Variants in RBFOX3 observed in about 807,000 individuals in gnomAD.
RBFOX3 encodes RNA binding protein fox-1 homolog 3.
RBFOX3 carries 17 observed loss-of-function variants against 48.7 expected under a neutral mutation model. The observed-to-expected ratio is 0.35, with a 90% CI of 0.24 to 0.52. RBFOX3 has a LOEUF of 0.52. RBFOX3 is among the 20% of genes least tolerant of loss of function. RBFOX3 has a pLI of 0.94. For synonymous variants in RBFOX3, 212 were observed against 209.5 expected, an observed-to-expected ratio of 1.01 and a Z score of -0.10; for missense variants, 382 against 497.5, an observed-to-expected ratio of 0.77 and a Z score of 2.21.
At chr17:79,168,470 C>G (rs983803679) in intron 4 of RBFOX3, among the ~76,000 whole-genome samples, 1 of 152,238 alleles carries the variant, frequency 6.6e-6, no homozygotes, top group Non-Finnish European at 1.5e-5. Flanking sequence ...CCTAAGAGAA[C>G]AGAAGAGGCC....
intron 2 of RBFOX3, among the ~76,000 whole-genome samples, chr17:79,449,622 A>AACACACACACAC (rs57480439): frequency 0.039 from 5,704 of 144,544 alleles, 161 homozygotes; most frequent in Middle Eastern, 0.11. Context: ...TGCACACATA[A>AACACACACACAC]ACACACACAC....
the RBFOX3 span, among the ~76,000 whole-genome samples, chr17:79,657,790 T>C: frequency 6.6e-6 from 1 of 152,220 alleles, no homozygotes; most frequent in South Asian, 2.1e-4. Context: ...ATGCAGAGGT[T>C]ACAATGCAGG....
chr17:79,580,635 G>A (rs2093028228), intron 1 of RBFOX3, among the ~76,000 whole-genome samples: 1 of 152,162 alleles, frequency 6.6e-6, no homozygotes, highest in African/African-American at 2.4e-5. Context: ...ACACTCTTTA[G>A]AGCAAAGTTT....
rs974215135 is a variant in RBFOX3, at chr17:79,209,953, C to T, written c.-34+25813G>A. Among the ~76,000 whole-genome samples the T allele has an allele frequency of 2.0e-5, 3 of 149,158 alleles. No homozygotes were observed. The East Asian group carries it at 5.9e-4, about 30-fold the overall frequency. ...CGGAGCTTGCAGTGAGCCGAGATCACGCCACTGCACTCTAGCCTGGGCGAC... is the reference window on the plus strand; with the variant it reads ...CGGAGCTTGCAGTGAGCCGAGATCATGCCACTGCACTCTAGCCTGGGCGAC... On this transcript the variant is annotated intron_variant, in intron 4 of 14. Transcript: ENST00000693108.
intron 4 of RBFOX3, chr17:79,234,757 G>T (rs2061444171): frequency 9.6e-6 from 1 of 103,796 alleles, no homozygotes; most frequent in South Asian, 3.0e-4. Context: ...TTTTGAGATG[G>T]AGTCTTGCTC....
Position 79,402,940 on chromosome 17 carries a change from C to T in RBFOX3, c.-175+79514G>A, listed in dbSNP as rs75596721. On this transcript the variant is annotated intron_variant, in intron 2 of 14. Transcript: ENST00000693108. ...CTCAGCAGGAGCCTGACCCACAGGA[C>T]GTGCCCGGCAAAGAGAAGGCTCATC... is the stretch of plus-strand genomic sequence containing the variant. Among the ~76,000 whole-genome samples, 52 of 152,268 alleles carry T rather than the reference C, an allele frequency of 3.4e-4. No homozygotes were observed. The East Asian group carries it at 4.1e-3, about 12-fold the overall frequency.
chr17:79,532,844 C>T (rs2088039863), intron 1 of RBFOX3, among the ~76,000 whole-genome samples: 1 of 139,996 alleles, frequency 7.1e-6, no homozygotes, highest in African/African-American at 2.9e-5. Context: ...TGTGTGTGCA[C>T]GCATGCACGC....
At chr17:79,158,300 C>T (rs919865551) in intron 4 of RBFOX3, among the ~76,000 whole-genome samples, 34 of 152,308 alleles carry the variant, frequency 2.2e-4, no homozygotes, top group African/African-American at 7.5e-4. Context: ...CAGACCAATA[C>T]GGCTACTTAC....
chr17:79,447,990 C>T (rs782464553), intron 2 of RBFOX3, among the ~76,000 whole-genome samples: 8 of 152,192 alleles, frequency 5.3e-5, no homozygotes, highest in East Asian at 3.9e-4. Flanking sequence ...CCTCCCCCTT[C>T]GCTCTCTCTC....
At chr17:79,485,694 C>T (rs960019222) in intron 1 of RBFOX3, among the ~76,000 whole-genome samples, 3 of 152,196 alleles carry the variant, frequency 2.0e-5, no homozygotes, top group Non-Finnish European at 2.9e-5. Flanking sequence ...CTGCAGCCGC[C>T]GGCTTAGAAG....
At chr17:79,328,240 G>A (rs1019409283) in intron 2 of RBFOX3, among the ~76,000 whole-genome samples, 2 of 152,176 alleles carry the variant, frequency 1.3e-5, no homozygotes, top group African/African-American at 2.4e-5. Context: ...GGGAGCAGGG[G>A]CAAGGACCCC....
intron 1 of RBFOX3, among the ~76,000 whole-genome samples, chr17:79,560,859 C>T (rs1488583509): frequency 3.9e-5 from 6 of 152,168 alleles, no homozygotes; most frequent in Non-Finnish European, 7.3e-5. Context: ...TTCTCAGCTG[C>T]CCCAGGGGGT....
chr17:79,393,378 G>T lies in RBFOX3; in HGVS notation c.-174-85554C>A, dbSNP rs36047383. On this transcript the variant is annotated intron_variant, in intron 2 of 14. Coordinates refer to ENST00000693108, the MANE Select transcript of RBFOX3 (RefSeq NM_001350451.2). Reference sequence around the variant, plus strand: ...TACAATACACTGGGAGGGAGATGCTGGACGAAGCAAGCCTCTCAGGGGAGA... The same window carrying T: ...TACAATACACTGGGAGGGAGATGCTTGACGAAGCAAGCCTCTCAGGGGAGA... Among the ~76,000 whole-genome samples, 866 of 152,356 alleles carry T rather than the reference G, an allele frequency of 5.7e-3. 3 individuals carry two copies. The highest frequency in any genetic ancestry group is 0.051 in the Middle Eastern group (15 of 294).
rs1275620617 is a variant in RBFOX3, at chr17:79,252,190, A to G, written c.-73-16385T>C. ...GCATTGCAGGGCCCCTTCTCCTTCC[A>G]CCCTTTACTTTCTCCCCAGGCAACT... On this transcript the variant is annotated intron_variant, in intron 3 of 14. Coordinates refer to ENST00000693108, the MANE Select transcript of RBFOX3 (RefSeq NM_001350451.2). This position sits in a 1 kb window ranked among gnomAD's most constrained non-coding sequence, Gnocchi z 4.0. Among the ~76,000 whole-genome samples the G allele has an allele frequency of 1.3e-5, 2 of 151,372 alleles. No homozygotes were observed. The highest frequency in any genetic ancestry group is 2.9e-5 in the Non-Finnish European group (2 of 67,830).
intron 14 of RBFOX3, among the ~76,000 whole-genome samples, chr17:79,093,336 T>C (rs912852316): frequency 6.7e-6 from 1 of 150,026 alleles, no homozygotes; most frequent in Non-Finnish European, 1.5e-5. Context: ...AGAAGAAAAA[T>C]TGGGGAAAAA....
At chr17:79,337,834 C>T (rs903194563) in intron 2 of RBFOX3, among the ~76,000 whole-genome samples, 1 of 152,130 alleles carries the variant, frequency 6.6e-6, no homozygotes, top group Admixed American at 6.5e-5. Context: ...CACATACACA[C>T]ACACAGAGTT....
chr17:79,181,234 C>T (rs1386432998), intron 4 of RBFOX3, among the ~76,000 whole-genome samples: 1 of 152,160 alleles, frequency 6.6e-6, no homozygotes, highest in Non-Finnish European at 1.5e-5. Flanking sequence ...AGACCAGGAC[C>T]CTTACTCTAA....
At chr17:79,259,867 C>T (rs146937592) in intron 3 of RBFOX3, among the ~76,000 whole-genome samples, 92 of 152,236 alleles carry the variant, frequency 6.0e-4, no homozygotes, top group African/African-American at 2.0e-3. Flanking sequence ...TGAAGAGGCC[C>T]GTCTGAGCAT....
chr17:79,278,033 AGT>A (rs1415144331), intron 3 of RBFOX3, among the ~76,000 whole-genome samples: 2 of 152,212 alleles, frequency 1.3e-5, no homozygotes, highest in Non-Finnish European at 2.9e-5. Context: ...AAGCCTGGAA[AGT>A]GTGGCTCACT....
Sources: gnomAD v4.1 joint callset for allele counts (sites outside exome capture counted in the v4.1 genomes callset) on GRCh38, gnomAD v4.1.1 for gene constraint, Gnocchi (gnomAD v3.1) non-coding constraint, MANE v1.5 for transcripts, NCBI Gene and HGNC (gene_info 2026-07-23, HGNC 2026-07-21) for gene names.